The following DIAPH3 variants were observed in gnomAD, a reference collection of about 807,000 sequenced individuals.
DIAPH3 encodes the protein protein diaphanous homolog 3.
In DIAPH3, 117 loss-of-function variants were observed where a neutral mutation model predicts 144.3. That is an observed-to-expected ratio of 0.81 (90% confidence interval 0.70 to 0.95). The LOEUF (loss-of-function observed/expected upper bound fraction) is 0.95, where lower values mean the gene tolerates loss of function less well. DIAPH3 is among the 40% of genes least tolerant of loss of function. The pLI, the probability that DIAPH3 is intolerant of heterozygous loss-of-function variation, is 0.00. For missense variants in DIAPH3, 1,421 were observed against 1,412.7 expected (o/e 1.01, Z -0.09); for synonymous variants, 519 against 488.9 (o/e 1.06, Z -0.81).
intron 25 of DIAPH3, among the ~76,000 whole-genome samples, chr13:59,786,377 T>C (rs2039029343): frequency 6.6e-6 from 1 of 152,160 alleles, no homozygotes; most frequent in African/African-American, 2.4e-5. Context: ...GAATAAACTA[T>C]GATTGAATTT....
chr13:59,956,839 C>T (rs1161604804), intron 17 of DIAPH3, among the ~76,000 whole-genome samples: 1 of 152,170 alleles, frequency 6.6e-6, no homozygotes, highest in Non-Finnish European at 1.5e-5. Flanking sequence ...GGGAACACAC[C>T]TCTTGCATTA....
chr13:59,738,158 A>C lies in DIAPH3; in HGVS notation c.3319+36031T>G, dbSNP rs541200356. ...CTCCAGCCTGGGCGACAGAGAGAGA[A>C]TCCATCTCAAAAAATAAAAAACAAA... On this transcript the variant is annotated intron_variant, in intron 27 of 27. Coordinates refer to ENST00000400324, the MANE Select transcript of DIAPH3 (RefSeq NM_001042517.2). 3.3e-5 allele frequency among the ~76,000 whole-genome samples: 5 copies of C among 152,150 alleles called. No individual in the cohort carries two copies. In the South Asian group the frequency reaches 1.0e-3, roughly 32 times the overall value.
chr13:59,981,439 A>T (rs956449575), intron 13 of DIAPH3, among the ~76,000 whole-genome samples: 1 of 151,208 alleles, frequency 6.6e-6, no homozygotes, highest in East Asian at 1.9e-4. Flanking sequence ...ATTTTCTTTT[A>T]ACCTAGCAAT....
chr13:59,884,148 G>C (rs1036124044), intron 20 of DIAPH3, among the ~76,000 whole-genome samples: 1 of 152,084 alleles, frequency 6.6e-6, no homozygotes, highest in South Asian at 2.1e-4. Context: ...ATTCTCATAG[G>C]AGCGAGAACC....
chr13:59,722,884 C>G (rs556104627), intron 27 of DIAPH3, among the ~76,000 whole-genome samples: 4 of 152,246 alleles, frequency 2.6e-5, no homozygotes, highest in Non-Finnish European at 5.9e-5. Context: ...TTCTTCAGTC[C>G]TCCTAATGAC....
At chr13:59,972,892 G>T (rs1326118778) in intron 15 of DIAPH3, among the ~76,000 whole-genome samples, 14 of 152,056 alleles carry the variant, frequency 9.2e-5, no homozygotes, top group Admixed American at 9.2e-4. Context: ...ACAGATAACA[G>T]AACATATTTT....
intron 27 of DIAPH3, among the ~76,000 whole-genome samples, chr13:59,692,659 A>T (rs1406487243): frequency 6.6e-6 from 1 of 151,888 alleles, no homozygotes; most frequent in Admixed American, 6.6e-5. Flanking sequence ...GTCAGGGTAC[A>T]CTCTTTTGCC....
intron 1 of DIAPH3, among the ~76,000 whole-genome samples, chr13:60,133,882 G>T (rs150998771): frequency 2.0e-5 from 3 of 152,134 alleles, no homozygotes; most frequent in South Asian, 2.1e-4. Context: ...AGGAAACAAG[G>T]TCTACTCTTT....
At chr13:59,716,887 C>T (rs2035086674) in intron 27 of DIAPH3, among the ~76,000 whole-genome samples, 1 of 151,960 alleles carries the variant, frequency 6.6e-6, no homozygotes, top group African/African-American at 2.4e-5. Flanking sequence ...TGGTAGCATA[C>T]ATTATTACGT....
chr13:59,935,669 T>A (rs1013110497), intron 17 of DIAPH3, among the ~76,000 whole-genome samples: 1 of 152,238 alleles, frequency 6.6e-6, no homozygotes, highest in South Asian at 2.1e-4. Flanking sequence ...ACTTTAGTCA[T>A]ATCTGGCTTC....
chr13:59,917,982 T>C (rs1328008690), intron 18 of DIAPH3, among the ~76,000 whole-genome samples: 1 of 105,772 alleles, frequency 9.5e-6, no homozygotes, highest in Non-Finnish European at 2.0e-5. Flanking sequence ...ATGCAAAAAA[T>C]ATAATCACTG....
At chr13:59,884,813 A>G (rs2045329946) in intron 20 of DIAPH3, among the ~76,000 whole-genome samples, 1 of 150,184 alleles carries the variant, frequency 6.7e-6, no homozygotes, top group Admixed American at 6.6e-5. Flanking sequence ...CAAGTGACTT[A>G]TGCCTGAGGT....
chr13:59,711,964 A>G (rs959857906), intron 27 of DIAPH3, among the ~76,000 whole-genome samples: 1 of 152,226 alleles, frequency 6.6e-6, no homozygotes, highest in Non-Finnish European at 1.5e-5. Context: ...CTTATGAGAC[A>G]TTCTATACTA....
At chr13:59,825,128 C>T (rs971957605) in intron 24 of DIAPH3, among the ~76,000 whole-genome samples, 1 of 151,960 alleles carries the variant, frequency 6.6e-6, no homozygotes, top group African/African-American at 2.4e-5. Context: ...TGCTGGTGTG[C>T]TGCACCCATT....
intron 27 of DIAPH3, among the ~76,000 whole-genome samples, chr13:59,729,931 C>G (rs2035816306): frequency 6.7e-6 from 1 of 148,724 alleles, no homozygotes; most frequent in Non-Finnish European, 1.5e-5. Flanking sequence ...TCCACTTCAG[C>G]AAATTGAAAT....
In DIAPH3 at chr13:59,906,451, T is replaced by A. The variant is rs1196070696; in HGVS notation, c.2367+5284A>T. On this transcript the variant is annotated intron_variant, in intron 20 of 27. Transcript: ENST00000400324. ...AAGAGGTAGTGGGATACGGGGGACA[T>A]CTACATTGTATTCAATATTTCTATG... is the stretch of plus-strand genomic sequence containing the variant. 3.3e-5 allele frequency among the ~76,000 whole-genome samples: 5 copies of A among 152,216 alleles called. No individual in the cohort carries two copies. The South Asian group carries it at 1.0e-3, about 31-fold the overall frequency.
At chr13:59,979,706 T>G (rs766727432) in intron 14 of DIAPH3, among the ~76,000 whole-genome samples, 6 of 151,654 alleles carry the variant, frequency 4.0e-5, no homozygotes, top group Non-Finnish European at 8.9e-5. Context: ...TTCAAAGCTA[T>G]AGAAATGTGC....
At chr13:59,958,054 C>T (rs2049509287) in intron 17 of DIAPH3, among the ~76,000 whole-genome samples, 2 of 152,124 alleles carry the variant, frequency 1.3e-5, no homozygotes, top group South Asian at 4.1e-4. Flanking sequence ...ACTAAGCCAA[C>T]AATTAAATTA....
At chr13:60,013,226 A>G in intron 7 of DIAPH3, 1 of 985,152 alleles carries the variant, frequency 1.0e-6, no homozygotes, top group East Asian at 1.1e-4. Flanking sequence ...ATTCCACATG[A>G]GGCCTATTAT....
Sources: gnomAD v4.1 joint callset for allele counts (sites outside exome capture counted in the v4.1 genomes callset) on GRCh38, gnomAD v4.1.1 for gene constraint, MANE v1.5 for transcripts, NCBI Gene and HGNC (gene_info 2026-07-23, HGNC 2026-07-21) for gene names.